Variants in FGF14 observed in about 807,000 individuals in gnomAD.
FGF14 encodes the protein fibroblast growth factor homologous factor 4.
Under a neutral mutation model 25.5 loss-of-function variants are expected in FGF14, and 5 were observed. The ratio of observed to expected loss-of-function variants is 0.20; its 90% CI spans 0.10 to 0.41. The LOEUF (loss-of-function observed/expected upper bound fraction) is 0.41. Among genes scored for constraint, FGF14 ranks in the 10% least tolerant of loss-of-function variants. FGF14 has a pLI of 1.00. For missense variants in FGF14, 222 were observed against 320.1 expected (o/e 0.69, Z 2.34); for synonymous variants, 138 against 118.3 (o/e 1.17, Z -1.08).
intron 1 of FGF14, among the ~76,000 whole-genome samples, chr13:101,902,997 G>A (rs1299909421): frequency 2.6e-5 from 4 of 152,172 alleles, no homozygotes; most frequent in African/African-American, 9.7e-5. Flanking sequence ...AGTGGTCTCA[G>A]TTTTCTAGTT....
chr13:102,112,364 AC>A lies in FGF14; in HGVS notation c.209-237069del, dbSNP rs569950065. Among the ~76,000 whole-genome samples, 283 of 151,518 alleles carry A rather than the reference AC, an allele frequency of 1.9e-3. 3 individuals carry two copies. The highest frequency in any genetic ancestry group is 0.014 in the Admixed American group (207 of 15,228). ...GTCCCCCGCCTTCTCCACACCTGCCACCCCCCAGCCCAAAGAGCTGTCCAAC... is the reference window on the plus strand; with the variant it reads ...GTCCCCCGCCTTCTCCACACCTGCCACCCCCAGCCCAAAGAGCTGTCCAAC... On this transcript the variant is annotated intron_variant, in intron 1 of 4. Transcript: ENST00000376131.
intron 1 of FGF14, among the ~76,000 whole-genome samples, chr13:102,249,505 A>G (rs777659241): frequency 4.6e-5 from 7 of 152,140 alleles, no homozygotes; most frequent in Non-Finnish European, 7.3e-5. Context: ...ACTGTGTGTG[A>G]GAGTGACCAA....
chr13:102,314,860 A>G (rs182128245), intron 1 of FGF14, among the ~76,000 whole-genome samples: 2 of 151,832 alleles, frequency 1.3e-5, no homozygotes, highest in Admixed American at 1.3e-4. Flanking sequence ...GAGTAAATAT[A>G]ATGTTTTATT....
intron 1 of FGF14, among the ~76,000 whole-genome samples, chr13:102,088,768 G>C (rs891172962): frequency 1.3e-5 from 2 of 152,024 alleles, no homozygotes; most frequent in Admixed American, 1.3e-4. Context: ...AGAGACACAT[G>C]TTTGTGTCAT....
At chr13:101,732,521 CAAT>C (rs2035880740) in intron 3 of FGF14, among the ~76,000 whole-genome samples, 1 of 152,154 alleles carries the variant, frequency 6.6e-6, no homozygotes, top group Non-Finnish European at 1.5e-5. Flanking sequence ...AGTAACAGCT[CAAT>C]AATGACCCTC....
In FGF14 at chr13:102,217,952, TA is replaced by T. The variant is rs1005997635; in HGVS notation, c.208+183518del. Reference sequence around the variant, plus strand: ...TGCAGATCAAGCCCATATTGCACAGTAAAAAAAATATGCACATATATTTACA... The same window carrying T: ...TGCAGATCAAGCCCATATTGCACAGTAAAAAAATATGCACATATATTTACA... On this transcript the variant is annotated intron_variant, in intron 1 of 4. Transcript: ENST00000376131. Among the ~76,000 whole-genome samples, 238 of 152,064 alleles carry T rather than the reference TA, an allele frequency of 1.6e-3. 3 individuals are homozygous for T. The highest frequency in any genetic ancestry group is 5.5e-3 in the African/African-American group (230 of 41,504).
chr13:101,908,243 T>A (rs1392193581), intron 1 of FGF14, among the ~76,000 whole-genome samples: 2 of 152,166 alleles, frequency 1.3e-5, no homozygotes, highest in Non-Finnish European at 2.9e-5. Context: ...TTCAGCCTTG[T>A]AAGTGCAGGC....
intron 3 of FGF14, among the ~76,000 whole-genome samples, chr13:101,765,406 T>C (rs1184576280): frequency 3.9e-5 from 6 of 152,136 alleles, no homozygotes; most frequent in African/African-American, 1.4e-4. Context: ...ACTGACAACA[T>C]TGGTCCCTGG....
intron 1 of FGF14, among the ~76,000 whole-genome samples, chr13:101,944,072 G>A (rs2035650852): frequency 1.3e-5 from 2 of 151,520 alleles, no homozygotes; most frequent in Non-Finnish European, 2.9e-5. Context: ...ATGGTTGTGA[G>A]GTGGATTAAA....
intron 1 of FGF14, among the ~76,000 whole-genome samples, chr13:101,901,144 G>C (rs2031493188): frequency 6.6e-6 from 1 of 151,918 alleles, no homozygotes; most frequent in African/African-American, 2.4e-5. Context: ...TTGTCTCCTG[G>C]ATTTTATGGT....
chr13:102,104,899 G>A (rs1403899212), intron 1 of FGF14, among the ~76,000 whole-genome samples: 1 of 152,130 alleles, frequency 6.6e-6, no homozygotes, highest in Non-Finnish European at 1.5e-5. Flanking sequence ...TTGCAGTAGT[G>A]CCCTATGTAC....
At chr13:102,258,173 GC>G (rs978495369) in intron 1 of FGF14, among the ~76,000 whole-genome samples, 1 of 152,074 alleles carries the variant, frequency 6.6e-6, no homozygotes, top group African/African-American at 2.4e-5. Flanking sequence ...TGGGGAAGCT[GC>G]CCCCATGACT....
chr13:102,242,780 T>A (rs2051669088), intron 1 of FGF14, among the ~76,000 whole-genome samples: 1 of 152,124 alleles, frequency 6.6e-6, no homozygotes, highest in South Asian at 2.1e-4. Context: ...TTTGTCCTTT[T>A]CACAGTATTT....
chr13:102,044,908 G>A (rs1178741689), intron 1 of FGF14, among the ~76,000 whole-genome samples: 3 of 152,060 alleles, frequency 2.0e-5, no homozygotes, highest in Non-Finnish European at 4.4e-5. Flanking sequence ...AAATTTTGCC[G>A]ATGTTGGTGT....
At chr13:102,095,058 T>TC (rs2044328647) in intron 1 of FGF14, among the ~76,000 whole-genome samples, 3 of 152,168 alleles carry the variant, frequency 2.0e-5, no homozygotes, top group Non-Finnish European at 4.4e-5. Flanking sequence ...CCATTGGAGA[T>TC]ACCGTCATTG....
chr13:101,780,871 G>A (rs1023651657), intron 3 of FGF14, among the ~76,000 whole-genome samples: 2 of 152,056 alleles, frequency 1.3e-5, no homozygotes, highest in African/African-American at 2.4e-5. Flanking sequence ...GAACTCTAAC[G>A]TTCCTCCGAA....
At position 102,394,241 on chromosome 13, in the gene FGF14, C is replaced by T. The variant is rs573867848; in HGVS notation, c.208+7230G>A. The T allele has an allele frequency of 2.8e-3, 421 of 152,560 alleles. 2 individuals are homozygous for T. The highest frequency in any genetic ancestry group is 0.02 in the Middle Eastern group (6 of 294). The allele number at this position is 152,560 out of a possible 1,614,324, so 9.5% of individuals were successfully genotyped here. A position where few individuals can be genotyped will look rare whatever the true frequency, so the allele number is the denominator to read the frequency against. ...ATGGGTCTCGGGTCCAGAGCTGGCG[C>T]CCGCTAGCGGGAGGCCAGACCGGGA... On this transcript the variant is annotated intron_variant, in intron 1 of 4. Transcript: ENST00000376131.
chr13:102,122,676 G>A (rs1016311300), intron 1 of FGF14, among the ~76,000 whole-genome samples: 1 of 152,096 alleles, frequency 6.6e-6, no homozygotes, highest in African/African-American at 2.4e-5. Context: ...GCCCTACATG[G>A]CATTTTCTCT....
At chr13:101,838,962 G>A (rs535161715) in intron 3 of FGF14, among the ~76,000 whole-genome samples, 30 of 152,088 alleles carry the variant, frequency 2.0e-4, no homozygotes, top group Admixed American at 1.8e-3. Context: ...CAAATATCAA[G>A]CGAGGTTTCA....
Sources: allele counts gnomAD v4.1 joint callset (sites outside exome capture counted in the v4.1 genomes callset), GRCh38; gene constraint gnomAD v4.1.1; transcripts MANE v1.5; gene names NCBI Gene and HGNC (gene_info 2026-07-23, HGNC 2026-07-21).